The following NSUN6 variants were observed in gnomAD, a reference collection of about 807,000 sequenced individuals.
The protein encoded by NSUN6 is tRNA (cytosine(72)-C(5))-methyltransferase NSUN6.
A neutral mutation model predicts 58.0 loss-of-function variants in NSUN6; 64 were observed. That is an observed-to-expected ratio of 1.10 (90% CI 0.90 to 1.36). The LOEUF is 1.36. NSUN6 is among the 40% of genes most tolerant of loss of function. The pLI, the probability that NSUN6 is intolerant of heterozygous loss-of-function variation, is 0.00. For missense variants in NSUN6, 701 were observed against 550.1 expected (o/e 1.27, Z -2.74); for synonymous variants, 231 against 193.9 (o/e 1.19, Z -1.59).
At chr10:18,556,780 GTAGAATGGAA>G (rs2055058212) in intron 8 of NSUN6, among the ~76,000 whole-genome samples, 1 of 150,708 alleles carries the variant, frequency 6.6e-6, no homozygotes, top group South Asian at 2.1e-4. Flanking sequence ...GGAATGGAAG[GTAGAATGGAA>G]TGGAATGGAG....
intron 6 of NSUN6, among the ~76,000 whole-genome samples, chr10:18,598,253 A>C (rs10734062): frequency 0.98 from 149,151 of 152,244 alleles, 73,079 homozygotes; most frequent in East Asian, 1. Context: ...ATCCCAAAAC[A>C]TGTAAGAACT....
intron 7 of NSUN6, among the ~76,000 whole-genome samples, chr10:18,588,933 G>C (rs954662489): frequency 1.3e-5 from 2 of 152,178 alleles, no homozygotes; most frequent in Non-Finnish European, 2.9e-5. Flanking sequence ...CAAACTGACA[G>C]AAGTAGGCTT....
In NSUN6 at chr10:18,609,743, G is replaced by C. The variant is rs918773496; in HGVS notation, c.657+102C>G. 6 of 691,356 alleles carry C rather than the reference G, an allele frequency of 8.7e-6. No individual in the cohort carries two copies. The Admixed American group carries it at 1.2e-4, about 13-fold the overall frequency. 42.8% of individuals were successfully genotyped at this position (691,356 alleles called of 1,614,324 possible). A position where few individuals can be genotyped will look rare whatever the true frequency, so the allele number is the denominator to read the frequency against. Reference sequence around the variant, plus strand: ...AAAGGTAGATCAGTGTATGTAAGTAGACCACAGAAAAAATCTTAAATTTTA... The same window carrying C: ...AAAGGTAGATCAGTGTATGTAAGTACACCACAGAAAAAATCTTAAATTTTA... On this transcript the variant is annotated intron_variant, in intron 6 of 10. Transcript: ENST00000377304.
At chr10:18,555,253 A>C (rs1195689669) in intron 8 of NSUN6, among the ~76,000 whole-genome samples, 1 of 150,148 alleles carries the variant, frequency 6.7e-6, no homozygotes, top group Non-Finnish European at 1.5e-5. Context: ...AGTATAGAGG[A>C]AAGTAACTGA....
At chr10:18,554,447 A>C (rs2054835137) in intron 8 of NSUN6, among the ~76,000 whole-genome samples, 2 of 150,392 alleles carry the variant, frequency 1.3e-5, no homozygotes, top group Admixed American at 6.6e-5. Flanking sequence ...GAATGGAATG[A>C]ACAATGGAAT....
chr10:18,605,808 T>A (rs2058027719), intron 6 of NSUN6, among the ~76,000 whole-genome samples: 1 of 152,126 alleles, frequency 6.6e-6, no homozygotes, highest in Admixed American at 6.5e-5. Flanking sequence ...AACCTAAGGA[T>A]TCTAGCAAGT....
chr10:18,550,078 C>G (rs962366280), intron 9 of NSUN6, among the ~76,000 whole-genome samples: 1 of 152,214 alleles, frequency 6.6e-6, no homozygotes, highest in Middle Eastern at 3.2e-3. Flanking sequence ...GGCAAACCTG[C>G]TATATTCTAG....
intron 7 of NSUN6, among the ~76,000 whole-genome samples, chr10:18,590,103 G>T (rs2057322215): frequency 6.6e-6 from 1 of 152,128 alleles, no homozygotes. Context: ...AGTAGGGGTT[G>T]CAATCCTAGT....
upstream of NSUN6, among the ~76,000 whole-genome samples, chr10:18,656,232 A>G (rs2059776329): frequency 6.6e-6 from 1 of 152,202 alleles, no homozygotes; most frequent in African/African-American, 2.4e-5. Flanking sequence ...CAACTAAACT[A>G]AAATCACAAT....
intron 8 of NSUN6, among the ~76,000 whole-genome samples, chr10:18,555,361 TGGAATGGAATGG>T (rs927763328): frequency 1.3e-5 from 2 of 148,730 alleles, no homozygotes; most frequent in African/African-American, 5.0e-5. Flanking sequence ...GTATGGAGAA[TGGAATGGAATGG>T]AGAATGGAAT....
rs528059372 is a variant in NSUN6 at position 18,571,848 on chromosome 10, C to A, written c.922+14101G>T. ...CTCCATTCTATTTTATTCACCACGGCATTCCATTACATTTTCCATTCCATT... is the reference window on the plus strand; with the variant it reads ...CTCCATTCTATTTTATTCACCACGGAATTCCATTACATTTTCCATTCCATT... On this transcript the variant is annotated intron_variant, in intron 8 of 10. Coordinates refer to ENST00000377304, the MANE Select transcript of NSUN6 (RefSeq NM_182543.5). 2.0e-5 allele frequency among the ~76,000 whole-genome samples: 3 copies of A among 151,406 alleles called. No individual in the cohort carries two copies. The South Asian group carries it at 6.2e-4, about 31-fold the overall frequency.
rs757297367 is a variant in NSUN6 at position 18,548,216 on chromosome 10, C to A, written c.1093G>T (p.Glu365Ter). ...CACGTGCTATAAACCAGCACACCCT[C>A]TGGCTTCAGCAGCTGAACCGCCTAA... ...FTAAVQLLKP[E>*]GVLVYSTCTI... Residue 365 changes from glutamate (E) to a stop codon, truncating the protein, a stop_gained, in exon 10 of 11, where the codon GAG (glutamate) becomes TAG (stop). Transcript: ENST00000377304. LOFTEE classifies it high-confidence loss of function. The A allele has an allele frequency of 6.2e-7, 1 of 1,613,152 alleles. No individual in the cohort carries two copies. Among genetic ancestry groups the A allele is most frequent in the African/African-American group, 1.3e-5 (1 of 75,032 alleles).
At chr10:18,572,106 C>A (rs184167554) in intron 8 of NSUN6, among the ~76,000 whole-genome samples, 11 of 151,174 alleles carry the variant, frequency 7.3e-5, no homozygotes, top group African/African-American at 2.4e-4. Flanking sequence ...CATTTCATTT[C>A]ACTCTCCCTT....
At chr10:18,658,298 T>A (rs922215520), upstream of NSUN6, 1 of 152,190 alleles carries the variant, frequency 6.6e-6, no homozygotes, top group Non-Finnish European at 1.5e-5. Flanking sequence ...TGGGAGGACG[T>A]AAGTCATACA....
chr10:18,648,072 A>C (rs2059601320), intron 2 of NSUN6, among the ~76,000 whole-genome samples: 1 of 152,152 alleles, frequency 6.6e-6, no homozygotes, highest in Admixed American at 6.5e-5. Flanking sequence ...TTAACAATAT[A>C]ATCTCACAGG....
intron 7 of NSUN6, among the ~76,000 whole-genome samples, chr10:18,591,273 G>C (rs1463383545): frequency 1.3e-5 from 2 of 152,168 alleles, no homozygotes; most frequent in East Asian, 1.9e-4. Flanking sequence ...CCCAGGACCA[G>C]ATGGATTCAC....
intron 7 of NSUN6, among the ~76,000 whole-genome samples, chr10:18,593,014 G>GA (rs915706414): frequency 3.3e-4 from 49 of 150,752 alleles, no homozygotes; most frequent in African/African-American, 9.5e-4. Context: ...AAATTTACAA[G>GA]AAAAAAAAAT....
intron 8 of NSUN6, among the ~76,000 whole-genome samples, chr10:18,558,342 A>G (rs573276604): frequency 7.3e-6 from 1 of 137,142 alleles, no homozygotes; most frequent in South Asian, 2.1e-4. Context: ...GGAATGAGGA[A>G]TGGGATGGAA....
At chr10:18,601,373 A>T (rs1564785656) in intron 6 of NSUN6, among the ~76,000 whole-genome samples, 4 of 152,206 alleles carry the variant, frequency 2.6e-5, no homozygotes, top group Admixed American at 2.0e-4. Flanking sequence ...CAGATTTCAA[A>T]TGGCAGAACT....
Sources: allele counts gnomAD v4.1 joint callset (sites outside exome capture counted in the v4.1 genomes callset), GRCh38; gene constraint gnomAD v4.1.1; transcripts MANE v1.5; gene names NCBI Gene and HGNC (gene_info 2026-07-23, HGNC 2026-07-21).